The following ARHGAP22 variants were observed in gnomAD, a reference collection of about 807,000 sequenced individuals.
The protein encoded by ARHGAP22 is Rho GTPase activating protein 22, also known as rho GTPase-activating protein 22.
A neutral mutation model predicts 59.1 loss-of-function variants in ARHGAP22; 48 were observed. The observed-to-expected ratio is 0.81, with a 90% CI of 0.64 to 1.03. ARHGAP22 has a LOEUF of 1.03. Among genes scored for constraint, ARHGAP22 ranks in the 50% least tolerant of loss-of-function variants. The pLI is 0.00. For missense variants in ARHGAP22, 1,015 were observed against 958.7 expected, an observed-to-expected ratio of 1.06 and a Z score of -0.78; for synonymous variants, 445 against 416.4, an observed-to-expected ratio of 1.07 and a Z score of -0.84.
At chr10:48,614,066 T>C (rs1276759823) in intron 1 of ARHGAP22, among the ~76,000 whole-genome samples, 3 of 152,230 alleles carry the variant, frequency 2.0e-5, no homozygotes, top group African/African-American at 7.2e-5. Flanking sequence ...CCTCCAGAAC[T>C]ATAAGCCAAA....
At position 48,479,664 on chromosome 10, in the gene ARHGAP22, G is replaced by A; in HGVS notation, c.423C>T (p.Arg141=). The change falls in exon 4 of 10, where the codon CGC becomes CGT. Residue 141 remains arginine, a synonymous_variant. Transcript: ENST00000249601. ...RDMEDWVQAI[R]RVIWAPLGGG... is the part of the protein sequence containing the mutation. ...CGCCCAGCGGGGCCCAGATGACTCGGCGGATGGCCTGCACCCAGTCCTCCA... is the reference window on the plus strand; with the variant it reads ...CGCCCAGCGGGGCCCAGATGACTCGACGGATGGCCTGCACCCAGTCCTCCA... 2 of 1,613,522 alleles carry A rather than the reference G, an allele frequency of 1.2e-6. No homozygotes were observed. The highest frequency in any genetic ancestry group is 1.7e-6 in the Non-Finnish European group (2 of 1,179,902).
chr10:48,643,685 T>C (rs1042497918), intron 1 of ARHGAP22, among the ~76,000 whole-genome samples: 3 of 150,568 alleles, frequency 2.0e-5, no homozygotes, highest in Non-Finnish European at 2.9e-5. Flanking sequence ...CACACCAACA[T>C]GGCACATGTA....
At chr10:48,430,866 G>C in the ARHGAP22 span, 3 of 333,224 alleles carry the variant, frequency 9.0e-6, no homozygotes, top group Non-Finnish European at 1.7e-5. Context: ...TGGTAGTACA[G>C]AATGGTATGT....
At chr10:48,638,346 CT>C (rs1565040084) in intron 1 of ARHGAP22, among the ~76,000 whole-genome samples, 1 of 152,160 alleles carries the variant, frequency 6.6e-6, no homozygotes, top group African/African-American at 2.4e-5. Context: ...ATTGTTCCAC[CT>C]TCCCATGAAG....
chr10:48,461,667 C>T (rs145052071), intron 4 of ARHGAP22, among the ~76,000 whole-genome samples: 2 of 152,188 alleles, frequency 1.3e-5, no homozygotes, highest in Admixed American at 6.5e-5. Context: ...GCTGTCTACA[C>T]CACGGCACAG....
chr10:48,514,814 G>C (rs1255325523), intron 3 of ARHGAP22, among the ~76,000 whole-genome samples: 2 of 152,158 alleles, frequency 1.3e-5, no homozygotes, highest in Non-Finnish European at 2.9e-5. Flanking sequence ...TCAGGCAGCA[G>C]GGAGAACAAA....
At chr10:48,461,264 C>T (rs748828740) in intron 4 of ARHGAP22, among the ~76,000 whole-genome samples, 27 of 152,188 alleles carry the variant, frequency 1.8e-4, no homozygotes, top group African/African-American at 3.9e-4. Flanking sequence ...ACAGGTCAAA[C>T]GCATCTGTGC....
chr10:48,625,323 A>T (rs1367680146), intron 1 of ARHGAP22, among the ~76,000 whole-genome samples: 1 of 152,122 alleles, frequency 6.6e-6, no homozygotes, highest in Non-Finnish European at 1.5e-5. Context: ...TAAGTATCTT[A>T]GCTCAAACAG....
chr10:48,643,536 A>G (rs2062149349), intron 1 of ARHGAP22, among the ~76,000 whole-genome samples: 1 of 149,662 alleles, frequency 6.7e-6, no homozygotes, highest in African/African-American at 2.5e-5. Context: ...TCTCACTCAT[A>G]GGTCGGAATT....
At chr10:48,602,811 T>C (rs922511332) in intron 1 of ARHGAP22, among the ~76,000 whole-genome samples, 3 of 152,096 alleles carry the variant, frequency 2.0e-5, no homozygotes, top group Non-Finnish European at 2.9e-5. Flanking sequence ...GTAAATACCA[T>C]AAAGAAAAGG....
intron 1 of ARHGAP22, among the ~76,000 whole-genome samples, chr10:48,645,514 T>C (rs7084773): frequency 0.11 from 16,382 of 152,174 alleles, 2,848 homozygotes; most frequent in African/African-American, 0.37. Context: ...ATATATTTTA[T>C]TAATAGAAAT....
At chr10:48,494,279 C>T (rs10776607) in intron 3 of ARHGAP22, among the ~76,000 whole-genome samples, 39,603 of 152,014 alleles carry the variant, frequency 0.26, 5,328 homozygotes, top group South Asian at 0.37. Flanking sequence ...GGATTCTGTG[C>T]GCCAGTCAGC....
intron 8 of ARHGAP22, among the ~76,000 whole-genome samples, chr10:48,452,809 T>C (rs1397190059): frequency 1.3e-5 from 2 of 152,346 alleles, no homozygotes; most frequent in Non-Finnish European, 2.9e-5. Flanking sequence ...TGAAATGAGA[T>C]GATACAAACA....
At chr10:48,581,802 T>C (rs959029287) in intron 2 of ARHGAP22, among the ~76,000 whole-genome samples, 2 of 152,178 alleles carry the variant, frequency 1.3e-5, no homozygotes, top group African/African-American at 4.8e-5. Context: ...GGTATCTCTA[T>C]CACAAGCGGG....
intron 3 of ARHGAP22, among the ~76,000 whole-genome samples, chr10:48,500,190 A>C (rs1454736998): frequency 1.3e-5 from 2 of 152,186 alleles, no homozygotes; most frequent in African/African-American, 4.8e-5. Flanking sequence ...ATAATAATTA[A>C]AAAATTAGCC....
At chr10:48,628,779 AGTC>A (rs2061534565) in intron 1 of ARHGAP22, among the ~76,000 whole-genome samples, 2 of 152,270 alleles carry the variant, frequency 1.3e-5, no homozygotes, top group African/African-American at 4.8e-5. Context: ...GGCCCCTTGG[AGTC>A]ATCATCTTTG....
intron 1 of ARHGAP22, among the ~76,000 whole-genome samples, chr10:48,595,116 G>A (rs1353339743): frequency 6.6e-6 from 1 of 152,192 alleles, no homozygotes; most frequent in African/African-American, 2.4e-5. Context: ...CGTGGGCCAG[G>A]GATGTTTCCT....
At chr10:48,618,995 A>C (rs1212965105) in intron 1 of ARHGAP22, among the ~76,000 whole-genome samples, 1 of 152,178 alleles carries the variant, frequency 6.6e-6, no homozygotes, top group Admixed American at 6.5e-5. Context: ...AAACAAATTC[A>C]GTAAATTTGT....
chr10:48,611,993 T>C (rs2060913279), intron 1 of ARHGAP22, among the ~76,000 whole-genome samples: 1 of 151,110 alleles, frequency 6.6e-6, no homozygotes, highest in African/African-American at 2.4e-5. Context: ...CGGCTACTTT[T>C]TGTATTTTTA....
Sources: gnomAD v4.1 joint callset for allele counts (sites outside exome capture counted in the v4.1 genomes callset) on GRCh38, gnomAD v4.1.1 for gene constraint, MANE v1.5 for transcripts, NCBI Gene and HGNC (gene_info 2026-07-23, HGNC 2026-07-21) for gene names.